PGF: variants seen among roughly 807,000 people sequenced by gnomAD.
The protein encoded by PGF is placental growth factor, also known as placenta growth factor.
A neutral mutation model predicts 25.3 loss-of-function variants in PGF; 11 were observed. That is an observed-to-expected ratio of 0.43 (90% CI 0.27 to 0.72). The LOEUF (loss-of-function observed/expected upper bound fraction) is 0.72. Among genes scored for constraint, PGF ranks in the 30% least tolerant of loss-of-function variants. The pLI is 0.18. For missense variants in PGF, 230 were observed against 234.9 expected, an observed-to-expected ratio of 0.98 and a Z score of 0.14; for synonymous variants, 105 against 97.9, an observed-to-expected ratio of 1.07 and a Z score of -0.43.
rs1045358861 is a variant in PGF at position 74,955,300 on chromosome 14, G to A, written c.-58C>T. 4.8e-5 allele frequency: 55 copies of A among 1,145,630 alleles called. No individual in the cohort carries two copies. Among genetic ancestry groups the A allele is most frequent in the Admixed American group, 4.4e-4 (14 of 31,704 alleles). The allele number at this position is 1,145,630 out of a possible 1,614,324, so 71.0% of individuals were successfully genotyped here. On this transcript the variant is annotated 5_prime_UTR_variant, in exon 1 of 7. Transcript: ENST00000555567. The surrounding 1 kb of genome is among the most constrained non-coding windows in gnomAD (Gnocchi z 4.1). ...GGGAAAACCACCATGCTCATCCCCCGGGGAGCCCCTGGCACAGGAGGAGAA... is the reference window on the plus strand; with the variant it reads ...GGGAAAACCACCATGCTCATCCCCCAGGGAGCCCCTGGCACAGGAGGAGAA...
rs529638254 is a variant in PGF, at chr14:74,946,131, C to T, written c.485+82G>A. 1.8e-4 allele frequency: 232 copies of T among 1,324,976 alleles called. 4 individuals carry two copies. In the South Asian group the frequency reaches 2.5e-3, roughly 14 times the overall value. 82.1% of individuals were successfully genotyped at this position (1,324,976 alleles called of 1,614,324 possible). A position where few individuals can be genotyped will look rare whatever the true frequency, so the allele number is the denominator to read the frequency against. Reference sequence around the variant, plus strand: ...ACTGGCCTCAGTCCTGCCTCTCCCCCTCCCCAACCTAACCCTGGCGGCAAG... The same window carrying T: ...ACTGGCCTCAGTCCTGCCTCTCCCCTTCCCCAACCTAACCCTGGCGGCAAG... On this transcript the variant is annotated intron_variant, in intron 6 of 6. Coordinates refer to ENST00000555567, the MANE Select transcript of PGF (RefSeq NM_002632.6).
intron 2 of PGF, among the ~76,000 whole-genome samples, chr14:74,952,608 T>C (rs1888897161): frequency 6.6e-6 from 1 of 152,228 alleles, no homozygotes; most frequent in South Asian, 2.1e-4. Context: ...GGCTGTGGTG[T>C]TAACAGGTGG....
rs575627717 is a variant in PGF, at chr14:74,942,787, G to A, written c.486-54C>T. ...GGTATCAGCACACTGTGGAGGGTGC[G>A]GTCTCCTCCTATGGAGGAGGGGGCA... On this transcript the variant is annotated intron_variant, in intron 6 of 6. Coordinates refer to ENST00000555567, the MANE Select transcript of PGF (RefSeq NM_002632.6). 74 of 1,552,522 alleles carry A rather than the reference G, an allele frequency of 4.8e-5. No homozygotes were observed. The African/African-American group carries it at 7.4e-4, about 16-fold the overall frequency.
Position 74,955,209 on chromosome 14 carries a change from G to A in PGF, c.34C>T (p.Gln12Ter). 6.7e-7 allele frequency: 1 copy of A among 1,489,878 alleles called. No homozygotes were observed. Among genetic ancestry groups the A allele is most frequent in the Non-Finnish European group, 9.0e-7 (1 of 1,112,536 alleles). 92.3% of individuals were successfully genotyped at this position (1,489,878 alleles called of 1,614,324 possible). A position where few individuals can be genotyped will look rare whatever the true frequency, so the allele number is the denominator to read the frequency against. ...GGCAGCGCCAGCCCGGCCAGGAGCT[G>A]CAGGAAGCAAGGGAACAGCCTCATG... is the stretch of plus-strand genomic sequence containing the variant. ...PVMRLFPCFL[Q>*]LLAGLALPAV... Residue 12 changes from glutamine to a stop codon, truncating the protein, a stop_gained, in exon 1 of 7, where the codon CAG becomes TAG. Coordinates refer to ENST00000555567, the MANE Select transcript of PGF (RefSeq NM_002632.6). LOFTEE classifies it high-confidence loss of function. This position sits in a 1 kb window ranked among gnomAD's most constrained non-coding sequence, Gnocchi z 4.1.
rs61759407 is a variant in PGF, at chr14:74,942,638, T to C, written c.*68A>G. On this transcript the variant is annotated 3_prime_UTR_variant, in exon 7 of 7. Coordinates refer to ENST00000555567, the MANE Select transcript of PGF (RefSeq NM_002632.6). The stretch of plus-strand genomic sequence containing the variant: ...AATAGAGGGCAGGTACCAGCAGGAG[T>C]CACTGAAGAGTGTGACGGTAATAAA... 2.2e-3 allele frequency: 3,167 copies of C among 1,440,136 alleles called. 47 individuals are homozygous for C. In the African/African-American group the frequency reaches 0.039, roughly 18 times the overall value. 89.2% of individuals were successfully genotyped at this position (1,440,136 alleles called of 1,614,324 possible).
At chr14:74,954,154 T>C (rs1888932225) in intron 1 of PGF, 5 of 586,556 alleles carry the variant, frequency 8.5e-6, no homozygotes, top group Non-Finnish European at 1.5e-5. Flanking sequence ...GGCCTCAGTT[T>C]TCCTCATTTG....
chr14:74,954,116 C>CT, intron 1 of PGF, 170 bp from the exon 2 acceptor site: 2 of 644,200 alleles, frequency 3.1e-6, no homozygotes, highest in East Asian at 5.5e-5. Flanking sequence ...TCACTGGACC[C>CT]TGGGTAGGTT....
rs1187756579 is a variant in PGF, at chr14:74,950,707, A to G, written c.119-1154T>C. On this transcript the variant is annotated intron_variant, in intron 2 of 6. Transcript: ENST00000555567. This position sits in a 1 kb window ranked among gnomAD's most constrained non-coding sequence, Gnocchi z 4.1. The stretch of plus-strand genomic sequence containing the variant: ...ATAGATCAGTTTCCTCAGGTGGGAA[A>G]AAAGAAGGTTGGGAATAAATGGTTG... Among the ~76,000 whole-genome samples, 1 of 152,200 alleles carries G rather than the reference A, an allele frequency of 6.6e-6. No individual in the cohort carries two copies. Among genetic ancestry groups the G allele is most frequent in the Non-Finnish European group, 1.5e-5 (1 of 68,028 alleles).
intron 4 of PGF, chr14:74,947,216 C>T (rs1888759678): frequency 3.1e-6 from 1 of 325,104 alleles, no homozygotes; most frequent in Non-Finnish European, 5.6e-6. Context: ...CATCTGCCTG[C>T]CCCAAAAGAG....
At chr14:74,943,729 G>C (rs983975785) in intron 6 of PGF, among the ~76,000 whole-genome samples, 2 of 152,192 alleles carry the variant, frequency 1.3e-5, no homozygotes, top group Non-Finnish European at 2.9e-5. Flanking sequence ...CCATCTCATT[G>C]AGATGCATTC....
In PGF at chr14:74,946,518, C is replaced by T. The variant is rs1377196798; in HGVS notation, c.393-110G>A. ...GACATCCCCAGTCCTGGTCCTGCAG[C>T]TGACACTGAGGCCACTAGGGGGTAG... On this transcript the variant is annotated intron_variant, in intron 4 of 6. Coordinates refer to ENST00000555567, the MANE Select transcript of PGF (RefSeq NM_002632.6). 4.6e-6 allele frequency: 5 copies of T among 1,081,564 alleles called. No homozygotes were observed. In the East Asian group the frequency reaches 1.2e-4, roughly 27 times the overall value. The allele number at this position is 1,081,564 out of a possible 1,614,324, so 67.0% of individuals were successfully genotyped here. A position where few individuals can be genotyped will look rare whatever the true frequency, so the allele number is the denominator to read the frequency against.
At chr14:74,949,097 C>T (rs946965284) in intron 3 of PGF, among the ~76,000 whole-genome samples, 1 of 152,200 alleles carries the variant, frequency 6.6e-6, no homozygotes, top group African/African-American at 2.4e-5. Context: ...TTTATACAAG[C>T]AGATTTCTTT....
chr14:74,947,394 C>A (rs944054291), intron 4 of PGF: 3 of 154,272 alleles, frequency 1.9e-5, no homozygotes, highest in African/African-American at 7.2e-5. Context: ...AAAGGGGCAG[C>A]CATAGCCCTG....
At chr14:74,944,121 T>G (rs1293527622) in intron 6 of PGF, among the ~76,000 whole-genome samples, 2 of 151,420 alleles carry the variant, frequency 1.3e-5, no homozygotes, top group African/African-American at 4.9e-5. Flanking sequence ...TTTTTTTTTT[T>G]TGAGACGGAG....
At chr14:74,946,872 G>A (rs1192671119) in intron 4 of PGF, 6 of 760,940 alleles carry the variant, frequency 7.9e-6, no homozygotes, top group East Asian at 4.9e-5. Context: ...GGGAGTGAGC[G>A]ACGGGGTGGG....
chr14:74,945,634 C>G (rs1888714737), intron 6 of PGF: 1 of 152,692 alleles, frequency 6.5e-6, no homozygotes, highest in South Asian at 2.1e-4. Flanking sequence ...TCCCTCCTCT[C>G]ATCCTTCTCT....
At chr14:74,955,681 T>G (rs2140412296), upstream of PGF, 1 of 152,772 alleles carries the variant, frequency 6.5e-6, no homozygotes, top group Non-Finnish European at 1.5e-5. The surrounding 1 kb of genome is among the most constrained non-coding windows in gnomAD (Gnocchi z 4.1). Flanking sequence ...GCAGACGAGG[T>G]TCCCGAGCCG....
At chr14:74,944,807 C>G (rs1292924242) in intron 6 of PGF, 1 of 152,102 alleles carries the variant, frequency 6.6e-6, no homozygotes, top group Non-Finnish European at 1.5e-5. Context: ...CTCGGCCTCC[C>G]AAAGTGCTAG....
chr14:74,942,708 A>ACCT lies in PGF; in HGVS notation c.508_510dup (p.Arg170dup), dbSNP rs1159911536. On this transcript the variant is annotated inframe_insertion, in exon 7 of 7. Coordinates refer to ENST00000555567, the MANE Select transcript of PGF (RefSeq NM_002632.6). ...GTCTCTCTCCTCCAAGGGGTGGGTT[A>ACCT]CCTCCGGGGAACAGCATCGCCGCAC... 5 of 1,611,646 alleles carry ACCT rather than the reference A, an allele frequency of 3.1e-6. No individual in the cohort carries two copies. The highest frequency in any genetic ancestry group is 4.2e-6 in the Non-Finnish European group (5 of 1,179,116).
Sources: allele counts gnomAD v4.1 joint callset (sites outside exome capture counted in the v4.1 genomes callset), GRCh38; gene constraint gnomAD v4.1.1; non-coding constraint Gnocchi (gnomAD v3.1); transcripts MANE v1.5; gene names NCBI Gene and HGNC (gene_info 2026-07-23, HGNC 2026-07-21).